The following TBC1D1 variants were observed in gnomAD, a reference collection of about 807,000 sequenced individuals.
The protein encoded by TBC1D1 is TBC1 (tre-2/USP6, BUB2, cdc16) domain family, member 1.
In TBC1D1, 89 loss-of-function variants were observed where a neutral mutation model predicts 125.6. The observed-to-expected ratio is 0.71, with a 90% CI of 0.60 to 0.85. The LOEUF (loss-of-function observed/expected upper bound fraction) is 0.85. TBC1D1 is among the 40% of genes least tolerant of loss of function. The pLI, the probability that TBC1D1 is intolerant of heterozygous loss-of-function variation, is 0.00. For synonymous variants in TBC1D1, 565 were observed against 564.1 expected, an observed-to-expected ratio of 1.00 and a Z score of -0.02; for missense variants, 1,377 against 1,469.2, an observed-to-expected ratio of 0.94 and a Z score of 1.03.
chr4:37,950,028 C>A (rs1727513192), intron 2 of TBC1D1, among the ~76,000 whole-genome samples: 1 of 151,944 alleles, frequency 6.6e-6, no homozygotes, highest in South Asian at 2.1e-4. Flanking sequence ...ATTTACATGC[C>A]TATATTTTTG....
intron 2 of TBC1D1, among the ~76,000 whole-genome samples, chr4:38,005,040 C>T (rs548067314): frequency 5.3e-5 from 8 of 152,232 alleles, no homozygotes; most frequent in Admixed American, 5.2e-4. Flanking sequence ...CTTCTCCTTC[C>T]ATCTCCCCCG....
intron 11 of TBC1D1, chr4:38,052,040 T>TG: frequency 6.4e-7 from 1 of 1,550,840 alleles, no homozygotes; most frequent in East Asian, 2.4e-5. Context: ...GAGAACAAAG[T>TG]GGGAATGCTG....
intron 2 of TBC1D1, among the ~76,000 whole-genome samples, chr4:38,003,158 G>A (rs1219212327): frequency 6.6e-6 from 1 of 152,206 alleles, no homozygotes; most frequent in Non-Finnish European, 1.5e-5. Context: ...CTTCCCTGAT[G>A]TATGAATTGT....
intron 2 of TBC1D1, among the ~76,000 whole-genome samples, chr4:38,008,593 C>G (rs1006275013): frequency 2.0e-5 from 3 of 152,186 alleles, no homozygotes; most frequent in African/African-American, 7.2e-5. Flanking sequence ...AAAGGGGCCC[C>G]TGTGTCAGGG....
chr4:37,998,528 C>T (rs1046299794), intron 2 of TBC1D1, among the ~76,000 whole-genome samples: 4 of 152,182 alleles, frequency 2.6e-5, no homozygotes, highest in Admixed American at 1.3e-4. Context: ...CCTGACCAAC[C>T]GGGCCTCCTT....
chr4:38,122,106 G>A (rs1402809824), intron 17 of TBC1D1, among the ~76,000 whole-genome samples: 1 of 152,184 alleles, frequency 6.6e-6, no homozygotes, highest in African/African-American at 2.4e-5. Context: ...TTGAATGGGA[G>A]GAGTGGTGGT....
intron 14 of TBC1D1, among the ~76,000 whole-genome samples, chr4:38,101,109 T>A (rs28588834): frequency 0.019 from 2,821 of 152,300 alleles, 94 homozygotes; most frequent in African/African-American, 0.065. Context: ...GTGCATGGAA[T>A]GGCGATGGTG....
chr4:38,088,382 A>G (rs1479265601), intron 12 of TBC1D1, among the ~76,000 whole-genome samples: 1 of 152,210 alleles, frequency 6.6e-6, no homozygotes, highest in Non-Finnish European at 1.5e-5. Flanking sequence ...TATTTTTAAA[A>G]TATTTATTGC....
intron 18 of TBC1D1, among the ~76,000 whole-genome samples, chr4:38,130,768 C>T (rs985670519): frequency 1.3e-5 from 2 of 152,228 alleles, no homozygotes; most frequent in Non-Finnish European, 2.9e-5. Context: ...GTGTATATAT[C>T]TTGTTTTCCT....
At chr4:37,960,981 T>C (rs1000443497) in intron 2 of TBC1D1, 4 of 1,614,124 alleles carry the variant, frequency 2.5e-6, no homozygotes, top group Non-Finnish European at 3.4e-6. Context: ...TGCAGTCTCC[T>C]TCAAGCATTC....
At chr4:38,054,372 G>C (rs111571956) in intron 12 of TBC1D1, 34 bp downstream of exon 14, 11 of 1,612,262 alleles carry the variant, frequency 6.8e-6, no homozygotes, top group African/African-American at 5.3e-5. Context: ...ACCTCAAAGA[G>C]AGCACGCTGA....
intron 2 of TBC1D1, among the ~76,000 whole-genome samples, chr4:37,945,666 A>G (rs868118272): frequency 1.1e-4 from 17 of 152,144 alleles, no homozygotes; most frequent in Admixed American, 4.6e-4. Context: ...AACTGTCTGC[A>G]GTATTCATAC....
chr4:38,120,139 A>C (rs929870942), intron 17 of TBC1D1: 14 of 983,146 alleles, frequency 1.4e-5, no homozygotes, highest in Non-Finnish European at 1.2e-6. Context: ...CTTTGTAGGC[A>C]GTGGTGAGAC....
rs913131534 is a variant in TBC1D1, at chr4:38,014,778, C to A, written c.687C>A (p.Arg229=). The change falls in exon 3 of 20, where the codon CGC becomes CGA. Residue 229 remains arginine, a synonymous_variant. Coordinates refer to ENST00000261439, the MANE Select transcript of TBC1D1 (RefSeq NM_015173.4). This position sits in a 1 kb window ranked among gnomAD's most constrained non-coding sequence, Gnocchi z 5.1. ...CCACAGGGAGCCAGGAGCCTGTGCG[C>A]AGGCCCATGCGCAAGTCCTTCTCCC... 2 of 1,594,862 alleles carry A rather than the reference C, an allele frequency of 1.3e-6. No individual in the cohort carries two copies. Among genetic ancestry groups the A allele is most frequent in the Admixed American group, 1.7e-5 (1 of 59,400 alleles).
rs938563464 is a variant in TBC1D1 at position 38,014,303 on chromosome 4, T to G, written c.418-206T>G. 6.6e-6 allele frequency among the ~76,000 whole-genome samples: 1 copy of G among 152,138 alleles called. No individual in the cohort carries two copies. Among genetic ancestry groups the G allele is most frequent in the Non-Finnish European group, 1.5e-5 (1 of 68,032 alleles). On this transcript the variant is annotated intron_variant, in intron 2 of 19. Coordinates refer to ENST00000261439, the MANE Select transcript of TBC1D1 (RefSeq NM_015173.4). This position sits in a 1 kb window ranked among gnomAD's most constrained non-coding sequence, Gnocchi z 5.1. The stretch of plus-strand genomic sequence containing the variant: ...AGGTGCTTCATAAGTGTCGTCCCCC[T>G]TCTCTTTTCTGTGGAAGCTGTGTGT...
At chr4:38,067,729 C>T (rs1036016551) in intron 12 of TBC1D1, among the ~76,000 whole-genome samples, 2 of 152,140 alleles carry the variant, frequency 1.3e-5, no homozygotes, top group African/African-American at 2.4e-5. Flanking sequence ...TCCCTAACAC[C>T]GAAGGCTCAG....
intron 16 of TBC1D1, among the ~76,000 whole-genome samples, chr4:38,116,344 C>T (rs995289635): frequency 6.6e-6 from 1 of 152,126 alleles, no homozygotes. Context: ...CTCTGCCTCA[C>T]CCCCACCCTT....
chr4:37,965,737 T>C (rs907018134), intron 2 of TBC1D1, among the ~76,000 whole-genome samples: 1 of 152,006 alleles, frequency 6.6e-6, no homozygotes, highest in African/African-American at 2.4e-5. Context: ...TGGACATTTA[T>C]TTATTTATTT....
intron 2 of TBC1D1, among the ~76,000 whole-genome samples, chr4:37,910,426 GT>G (rs1718336950): frequency 6.6e-6 from 1 of 152,168 alleles, no homozygotes; most frequent in African/African-American, 2.4e-5. Context: ...AATCTCAATA[GT>G]TTTTTTATAA....
Sources: allele counts gnomAD v4.1 joint callset (sites outside exome capture counted in the v4.1 genomes callset), GRCh38; gene constraint gnomAD v4.1.1; non-coding constraint Gnocchi (gnomAD v3.1); transcripts MANE v1.5; gene names NCBI Gene and HGNC (gene_info 2026-07-23, HGNC 2026-07-21).